TAOK3: variants seen among roughly 807,000 people sequenced by gnomAD.
TAOK3 encodes the protein TAO kinase 3.
Under a neutral mutation model 120.4 loss-of-function variants are expected in TAOK3, and 40 were observed. That is an observed-to-expected ratio of 0.33 (90% confidence interval 0.26 to 0.43). The LOEUF (loss-of-function observed/expected upper bound fraction) is 0.43, where lower values mean the gene tolerates loss of function less well. TAOK3 is among the 20% of genes least tolerant of loss of function. The pLI, the probability that TAOK3 is intolerant of heterozygous loss-of-function variation, is 1.00. For missense variants in TAOK3, 821 were observed against 1,112.1 expected (o/e 0.74, Z 3.72); for synonymous variants, 355 against 387.5 (o/e 0.92, Z 0.99).
At chr12:118,303,520 C>G (rs1183123763) in intron 1 of TAOK3, among the ~76,000 whole-genome samples, 1 of 152,222 alleles carries the variant, frequency 6.6e-6, no homozygotes. Context: ...TATCTGTGCA[C>G]TGTTTTCGCC....
At chr12:118,263,023 C>G (rs1244370867) in intron 2 of TAOK3, among the ~76,000 whole-genome samples, 1 of 151,812 alleles carries the variant, frequency 6.6e-6, no homozygotes, top group Non-Finnish European at 1.5e-5. Context: ...TTCAAAGGAC[C>G]CAGAATAACC....
At chr12:118,253,804 A>G (rs1265880059) in intron 3 of TAOK3, among the ~76,000 whole-genome samples, 1 of 150,800 alleles carries the variant, frequency 6.6e-6, no homozygotes, top group Non-Finnish European at 1.5e-5. Context: ...CTGTAATCCC[A>G]CCACTTTGGG....
chr12:118,235,665 A>C lies in TAOK3; in HGVS notation c.444T>G (p.Ile148Met). The C allele has an allele frequency of 1.2e-6, 2 of 1,602,392 alleles. No individual in the cohort carries two copies. The highest frequency in any genetic ancestry group is 1.7e-6 in the Non-Finnish European group (2 of 1,173,056). The change falls in exon 8 of 21, where the codon ATT (isoleucine) becomes ATG (methionine). Residue 148 changes from isoleucine to methionine, a missense_variant. Around this residue, in one of 2 missense-constraint regions of TAOK3, gnomAD observed 467 missense variants for 540.0 expected, o/e 0.86. Coordinates refer to ENST00000392533, the MANE Select transcript of TAOK3 (RefSeq NM_016281.4). ...CTGTTAGAAGAATATTTCCTGCTTTAATATCCCTATAGGAAAAAAAAAAAG... is the reference window on the plus strand; with the variant it reads ...CTGTTAGAAGAATATTTCCTGCTTTCATATCCCTATAGGAAAAAAAAAAAG... ...LHSHALIHRD[I>M]KAGNILLTEP...
rs181453868 is a variant in TAOK3, at chr12:118,293,940, G to A, written c.-193-27181C>T. 4.5e-3 allele frequency among the ~76,000 whole-genome samples: 681 copies of A among 152,000 alleles called. 6 individuals are homozygous for A. Among genetic ancestry groups the A allele is most frequent in the Middle Eastern group, 0.014 (4 of 294 alleles). On this transcript the variant is annotated intron_variant, in intron 1 of 20. Transcript: ENST00000392533. ...TGAGGTAGGAGAATCGCTTGAACCC[G>A]GGAGGCAGAGGTTGCGGTGAGCCGA...
At chr12:118,241,842 G>A (rs567943525) in intron 5 of TAOK3, among the ~76,000 whole-genome samples, 1 of 152,272 alleles carries the variant, frequency 6.6e-6, no homozygotes, top group East Asian at 1.9e-4. Context: ...CGGGTGCAGT[G>A]GCTCATGCCT....
intron 1 of TAOK3, among the ~76,000 whole-genome samples, chr12:118,283,100 G>A (rs1277679385): frequency 6.6e-6 from 1 of 152,124 alleles, no homozygotes; most frequent in Non-Finnish European, 1.5e-5. Flanking sequence ...ACCTGTTTAA[G>A]CTTCTTCCAT....
rs1030673206 is a variant in TAOK3 at position 118,334,649 on chromosome 12, G to C, written c.-194+37999C>G. ...CCAGCACTTTGGGAGGCTGAGGTGG[G>C]CAGATCATGAGGTCAGAAGTTTGAG... On this transcript the variant is annotated intron_variant, in intron 1 of 20. Transcript: ENST00000392533. 4.9e-4 allele frequency among the ~76,000 whole-genome samples: 75 copies of C among 152,270 alleles called. 1 individual carries two copies. The highest frequency in any genetic ancestry group is 1.8e-3 in the African/African-American group (73 of 41,546).
In TAOK3 at chr12:118,161,463, C is replaced by T. The variant is rs747455526; in HGVS notation, c.2139+325G>A. 1.8e-4 allele frequency among the ~76,000 whole-genome samples: 27 copies of T among 152,310 alleles called. No homozygotes were observed. Among genetic ancestry groups the T allele is most frequent in the Admixed American group, 1.2e-3 (19 of 15,298 alleles). ...AAGTACCTAACACCAATAGAACTTC[C>T]TTATTTCCTGGGATTAAAACCATAA... On this transcript the variant is annotated intron_variant, in intron 18 of 20. Transcript: ENST00000392533. This position sits in a 1 kb window ranked among gnomAD's most constrained non-coding sequence, Gnocchi z 4.5.
intron 9 of TAOK3, among the ~76,000 whole-genome samples, chr12:118,221,886 G>A (rs968757037): frequency 4.6e-5 from 7 of 151,630 alleles, no homozygotes; most frequent in African/African-American, 7.3e-5. Flanking sequence ...TGCCCGCCTC[G>A]GCCTCCTAAA....
intron 14 of TAOK3, among the ~76,000 whole-genome samples, chr12:118,183,085 C>A (rs1053169777): frequency 1.5e-4 from 23 of 152,076 alleles, no homozygotes; most frequent in Admixed American, 5.2e-4. Flanking sequence ...TCTTGTTCTT[C>A]ACTAAGTGAT....
chr12:118,297,994 G>A (rs1427557081), intron 1 of TAOK3, among the ~76,000 whole-genome samples: 2 of 152,088 alleles, frequency 1.3e-5, no homozygotes, highest in African/African-American at 4.8e-5. Context: ...TGCCCAGGCT[G>A]GTCTCAAACT....
In TAOK3 at chr12:118,342,149, A is replaced by T. The variant is rs189773446; in HGVS notation, c.-194+30499T>A. On this transcript the variant is annotated intron_variant, in intron 1 of 20. Transcript: ENST00000392533. ...TTTGAAATTAACTTGAAATCACAGG[A>T]TTTCAGAGTTGGGAGCAATTATGTG... Among the ~76,000 whole-genome samples the T allele has an allele frequency of 3.6e-3, 551 of 152,280 alleles. 1 individual carries two copies. The highest frequency in any genetic ancestry group is 0.012 in the African/African-American group (509 of 41,560).
chr12:118,334,269 T>C (rs943664168), intron 1 of TAOK3, among the ~76,000 whole-genome samples: 2 of 152,156 alleles, frequency 1.3e-5, no homozygotes, highest in African/African-American at 4.8e-5. Context: ...TATATATATG[T>C]AGTATACAAT....
At chr12:118,310,055 G>C (rs369267406) in intron 1 of TAOK3, among the ~76,000 whole-genome samples, 7 of 152,044 alleles carry the variant, frequency 4.6e-5, no homozygotes, top group Non-Finnish European at 8.8e-5. Context: ...CAGGCAGATC[G>C]CTTGAGCCCA....
chr12:118,353,387 G>A (rs1387373161), intron 1 of TAOK3, among the ~76,000 whole-genome samples: 2 of 152,086 alleles, frequency 1.3e-5, no homozygotes, highest in Admixed American at 6.6e-5. Context: ...TGAGTTTGGT[G>A]TGTTTGAGAG....
intron 1 of TAOK3, among the ~76,000 whole-genome samples, chr12:118,336,303 A>G (rs1371610111): frequency 6.6e-6 from 1 of 152,230 alleles, no homozygotes; most frequent in Non-Finnish European, 1.5e-5. Flanking sequence ...GGATATGTCC[A>G]TCTGATTTAT....
At chr12:118,338,206 A>C (rs1351422293) in intron 1 of TAOK3, among the ~76,000 whole-genome samples, 1 of 152,168 alleles carries the variant, frequency 6.6e-6, no homozygotes, top group Non-Finnish European at 1.5e-5. Flanking sequence ...GGAAGATGGA[A>C]GGTGGGCAAT....
At chr12:118,232,804 C>T (rs2039840278) in intron 9 of TAOK3, among the ~76,000 whole-genome samples, 2 of 151,978 alleles carry the variant, frequency 1.3e-5, no homozygotes, top group Non-Finnish European at 2.9e-5. Flanking sequence ...ACTCAGGAGG[C>T]TAAAGGAGGA....
intron 1 of TAOK3, among the ~76,000 whole-genome samples, chr12:118,272,006 A>T (rs965463931): frequency 2.0e-5 from 3 of 152,240 alleles, no homozygotes; most frequent in Admixed American, 1.3e-4. Context: ...TCCAACTAGC[A>T]CGGAGTAGAA....
Sources: gnomAD v4.1 joint callset for allele counts (sites outside exome capture counted in the v4.1 genomes callset) on GRCh38, gnomAD v4.1.1 for gene constraint, gnomAD v4.1.1 regional missense constraint, Gnocchi (gnomAD v3.1) non-coding constraint, MANE v1.5 for transcripts, NCBI Gene and HGNC (gene_info 2026-07-23, HGNC 2026-07-21) for gene names.